The following TNRC6A variants were observed in gnomAD, a reference collection of about 807,000 sequenced individuals.
The protein encoded by TNRC6A is trinucleotide repeat containing adaptor 6A, also known as trinucleotide repeat-containing gene 6A protein.
Under a neutral mutation model 221.2 loss-of-function variants are expected in TNRC6A, and 44 were observed. The observed-to-expected ratio is 0.20, with a 90% CI of 0.16 to 0.26. TNRC6A has a LOEUF of 0.26. Among genes scored for constraint, TNRC6A ranks in the 10% least tolerant of loss-of-function variants. The pLI is 1.00. For missense variants in TNRC6A, 2,199 were observed against 2,404.4 expected (o/e 0.91, Z 1.79); for synonymous variants, 847 against 838.5 (o/e 1.01, Z -0.18).
chr16:24,804,734 C>T lies in TNRC6A; in HGVS notation c.3867C>T (p.Asn1289=), dbSNP rs770002956. Residue 1289 remains asparagine, a synonymous_variant, in exon 13 of 25, where the codon AAC becomes AAT. Transcript: ENST00000395799. ...GCATTGTAGCAGATGAATCCCAAAA[C>T]ATGCAGTTTATGTCCAGTCAAAGCA... ...KDGIVADESQ[N]MQFMSSQSMK... 7 of 1,599,952 alleles carry T rather than the reference C, an allele frequency of 4.4e-6. No homozygotes were observed. The highest frequency in any genetic ancestry group is 5.9e-6 in the Non-Finnish European group (7 of 1,176,792).
intron 18 of TNRC6A, among the ~76,000 whole-genome samples, chr16:24,811,769 C>G (rs1022650136): frequency 2.0e-5 from 3 of 151,758 alleles, no homozygotes; most frequent in Admixed American, 6.6e-5. Flanking sequence ...CTTGGTGATT[C>G]TAGCTTAAGC....
intron 1 of TNRC6A, among the ~76,000 whole-genome samples, chr16:24,632,669 C>T (rs4787647): frequency 0.65 from 98,759 of 151,850 alleles, 32,908 homozygotes; most frequent in African/African-American, 0.77. Context: ...TCTGATCCCA[C>T]GATACCCCTA....
intron 3 of TNRC6A, among the ~76,000 whole-genome samples, chr16:24,754,449 A>T (rs1173105598): frequency 6.6e-6 from 1 of 152,162 alleles, no homozygotes; most frequent in Non-Finnish European, 1.5e-5. Flanking sequence ...CTTTTCATCA[A>T]AGATTATGTA....
At chr16:24,797,824 C>A in intron 10 of TNRC6A, 91 bp from the exon 11 acceptor site, 1 of 1,163,578 alleles carries the variant, frequency 8.6e-7, no homozygotes, top group Non-Finnish European at 1.2e-6. Flanking sequence ...TTGAATTTCA[C>A]AGATAATGAA....
At position 24,797,950 on chromosome 16, in the gene TNRC6A, G is replaced by T; in HGVS notation, c.3678G>T (p.Lys1226Asn). ...DSPEENVQSN[K>N]MDLSGGMLQD... ...CAGAGGAAAATGTACAAAGCAATAA[G>T]ATGGACCTTTCTGGAGGTAAGAGAA... Residue 1226 changes from lysine (K) to asparagine (N), a missense_variant, in exon 11 of 25, where the codon AAG becomes AAT. Lys to Asn is a moderately conservative substitution (Grantham distance 94). Transcript: ENST00000395799. 6.2e-7 allele frequency: 1 copy of T among 1,611,092 alleles called. No homozygotes were observed. Among genetic ancestry groups the T allele is most frequent in the East Asian group, 2.2e-5 (1 of 44,828 alleles).
intron 2 of TNRC6A, chr16:24,661,757 T>A (rs1427819740): frequency 6.6e-6 from 1 of 152,174 alleles, no homozygotes; most frequent in East Asian, 1.9e-4. Flanking sequence ...TGTAAATGTG[T>A]CACACTTTAC....
At chr16:24,766,211 C>T (rs1244026289) in intron 4 of TNRC6A, among the ~76,000 whole-genome samples, 1 of 152,170 alleles carries the variant, frequency 6.6e-6, no homozygotes, top group African/African-American at 2.4e-5. Flanking sequence ...TTAAATTTCA[C>T]CTCTGCCATT....
Position 24,658,824 on chromosome 16 carries a change from G to GT in TNRC6A, n.402+17819dup, listed in dbSNP as rs562113045. Among the ~76,000 whole-genome samples, 136 of 139,762 alleles carry GT rather than the reference G, an allele frequency of 9.7e-4. 1 individual carries two copies. Among genetic ancestry groups the GT allele is most frequent in the Non-Finnish European group, 1.7e-3 (106 of 63,456 alleles). 91.7% of individuals were successfully genotyped at this position (139,762 alleles called of 152,430 possible). On this transcript the variant is annotated intron_variant and non_coding_transcript_variant, in intron 2 of 2. Transcript: ENST00000566108. Reference sequence around the variant, plus strand: ...TTTTCTTTTCTTTTTCTTTTTTTTTGTTTTGAGTCAGGGTCTCACTCTGTC... The same window carrying GT: ...TTTTCTTTTCTTTTTCTTTTTTTTTGTTTTTGAGTCAGGGTCTCACTCTGTC...
intron 1 of TNRC6A, among the ~76,000 whole-genome samples, chr16:24,623,897 G>A (rs1900814216): frequency 1.7e-5 from 1 of 57,308 alleles, no homozygotes; most frequent in Admixed American, 3.5e-4. Context: ...GCAAGACCCT[G>A]TCTCAAAAAA....
At chr16:24,759,683 A>G (rs1179572747) in intron 4 of TNRC6A, among the ~76,000 whole-genome samples, 2 of 152,206 alleles carry the variant, frequency 1.3e-5, no homozygotes, top group Non-Finnish European at 2.9e-5. Context: ...TAACTTTGCC[A>G]GTAGTGCCTA....
intron 4 of TNRC6A, among the ~76,000 whole-genome samples, chr16:24,763,747 A>T (rs73549000): frequency 0.059 from 8,990 of 152,208 alleles, 734 homozygotes; most frequent in East Asian, 0.36. Flanking sequence ...TCCTGTTCCC[A>T]CTGCACTTCC....
intron 2 of TNRC6A, among the ~76,000 whole-genome samples, chr16:24,656,184 C>T (rs1351720398): frequency 2.0e-5 from 3 of 150,900 alleles, no homozygotes; most frequent in Non-Finnish European, 4.4e-5. Flanking sequence ...AAAATGAGGC[C>T]GGGCGTGGTG....
intron 2 of TNRC6A, among the ~76,000 whole-genome samples, chr16:24,691,269 G>A (rs1028658531): frequency 6.6e-6 from 1 of 151,950 alleles, no homozygotes; most frequent in Non-Finnish European, 1.5e-5. Context: ...CCAGGCTGGG[G>A]TGCAGTGGTG....
At chr16:24,680,267 A>T (rs1165719168) in intron 2 of TNRC6A, among the ~76,000 whole-genome samples, 3 of 151,766 alleles carry the variant, frequency 2.0e-5, no homozygotes, top group Admixed American at 6.6e-5. Flanking sequence ...GCAGAAAAAA[A>T]AAAAGTATCT....
intron 2 of TNRC6A, among the ~76,000 whole-genome samples, chr16:24,669,735 C>A (rs908381875): frequency 2.0e-5 from 3 of 151,708 alleles, no homozygotes; most frequent in African/African-American, 7.3e-5. Context: ...TTGTGTAATC[C>A]CCATGGTGCT....
chr16:24,614,659 G>A (rs995136275), intron 1 of TNRC6A, among the ~76,000 whole-genome samples: 3 of 152,074 alleles, frequency 2.0e-5, no homozygotes, highest in South Asian at 2.1e-4. Context: ...ATGAAATTTG[G>A]GCCATATGGA....
At position 24,635,564 on chromosome 16, in the gene TNRC6A, C is replaced by T. The variant is rs747978337; in HGVS notation, n.277-5320C>T. The stretch of plus-strand genomic sequence containing the variant: ...TCCCAAAGTGCTGGGATTGCAGGCA[C>T]GAGCCACCACACCTGGCCAGATTCT... On this transcript the variant is annotated intron_variant and non_coding_transcript_variant, in intron 1 of 2. Coordinates refer to the TNRC6A transcript ENST00000566108. Among the ~76,000 whole-genome samples the T allele has an allele frequency of 2.0e-5, 3 of 152,202 alleles. 1 individual carries two copies. Among genetic ancestry groups the T allele is most frequent in the Admixed American group, 2.0e-4 (3 of 15,274 alleles).
At chr16:24,672,823 A>T (rs950697940) in intron 2 of TNRC6A, among the ~76,000 whole-genome samples, 1 of 152,164 alleles carries the variant, frequency 6.6e-6, no homozygotes, top group Non-Finnish European at 1.5e-5. Flanking sequence ...AGATATACTT[A>T]CATACATATG....
chr16:24,791,285 C>T lies in TNRC6A; in HGVS notation c.2643C>T (p.Asp881=), dbSNP rs2058094750. 6.2e-7 allele frequency: 1 copy of T among 1,613,292 alleles called. No homozygotes were observed. The highest frequency in any genetic ancestry group is 1.3e-5 in the African/African-American group (1 of 74,892). ...CCAGCTCAGGAGGTAGTGACAGTGA[C>T]AGGTCCGTTTCCGGTTGGAACGAAC... ...KKSSSGGSDS[D]RSVSGWNELG... is the part of the protein sequence containing the mutation. Residue 881 remains aspartate, a synonymous_variant, in exon 6 of 25, where the codon GAC becomes GAT. Coordinates refer to ENST00000395799, the MANE Select transcript of TNRC6A (RefSeq NM_014494.4).
Sources: gnomAD v4.1 joint callset for allele counts (sites outside exome capture counted in the v4.1 genomes callset) on GRCh38, gnomAD v4.1.1 for gene constraint, MANE v1.5 for transcripts, NCBI Gene and HGNC (gene_info 2026-07-23, HGNC 2026-07-21) for gene names.